Variants in CACNA1C observed in about 807,000 individuals in gnomAD.
CACNA1C encodes the protein voltage-dependent L-type calcium channel subunit alpha-1C.
Under a neutral mutation model 229.0 loss-of-function variants are expected in CACNA1C, and 30 were observed. The observed-to-expected ratio is 0.13, with a 90% CI of 0.10 to 0.18. CACNA1C has a LOEUF of 0.18. Ranked by LOEUF, CACNA1C falls within the 10% of genes least tolerant of loss-of-function variation. CACNA1C has a pLI of 1.00. For synonymous variants in CACNA1C, 1,114 were observed against 1,132.5 expected (o/e 0.98, Z 0.33); for missense variants, 1,658 against 2,845.0 (o/e 0.58, Z 9.49).
At chr12:2,477,864 G>A (rs920764682) in intron 5 of CACNA1C, among the ~76,000 whole-genome samples, 2 of 151,924 alleles carry the variant, frequency 1.3e-5, no homozygotes, top group African/African-American at 4.8e-5. Context: ...AAAAGCACCA[G>A]TCATCTCAAA....
chr12:2,512,892 A>T lies in CACNA1C; in HGVS notation c.1298A>T (p.Asp433Val). 6.2e-7 allele frequency: 1 copy of T among 1,613,200 alleles called. No individual in the cohort carries two copies. The highest frequency in any genetic ancestry group is 8.5e-7 in the Non-Finnish European group (1 of 1,179,596). Reference protein sequence around the residue: ...KLREKQQLEEDLKGYLDWITQ... With the variant: ...KLREKQQLEEVLKGYLDWITQ... ...CGGGAGAAGCAGCAGCTAGAAGAGGATCTCAAAGGCTACCTGGATTGGATC... is the reference window on the plus strand; with the variant it reads ...CGGGAGAAGCAGCAGCTAGAAGAGGTTCTCAAAGGCTACCTGGATTGGATC... Residue 433 changes from aspartate (D) to valine (V), a missense_variant, in exon 9 of 47, where the codon GAT (aspartate) becomes GTT (valine). Asp to Val is a radical substitution (Grantham distance 152, BLOSUM62 -3). Around this residue, in one of 20 missense-constraint regions of CACNA1C, gnomAD observed 149 missense variants for 194.2 expected, o/e 0.77. Coordinates refer to ENST00000399655, the MANE Select transcript of CACNA1C (RefSeq NM_000719.7). This position sits in a 1 kb window ranked among gnomAD's most constrained non-coding sequence, Gnocchi z 4.3.
At chr12:2,408,347 T>G (rs2098761975) in intron 3 of CACNA1C, among the ~76,000 whole-genome samples, 2 of 152,248 alleles carry the variant, frequency 1.3e-5, no homozygotes, top group Non-Finnish European at 2.9e-5. Flanking sequence ...GTAAATGTGC[T>G]TAATGCCACT....
intron 30 of CACNA1C, among the ~76,000 whole-genome samples, chr12:2,644,964 T>G (rs751411736): frequency 2.0e-5 from 3 of 152,238 alleles, no homozygotes; most frequent in Non-Finnish European, 4.4e-5. Flanking sequence ...CAGAGCTCGC[T>G]GTCTCTGAAA....
intron 38 of CACNA1C, 188 bp from the exon 39 acceptor site, chr12:2,674,335 GGAAGGAAGGAAGGTGGAC>G: frequency 1.4e-6 from 1 of 696,370 alleles, no homozygotes; most frequent in South Asian, 2.3e-5. Flanking sequence ...GAGGGAAGGG[GGAAGGAAGGAAGGTGGAC>G]AGAGGAAGGG....
chr12:2,230,359 C>T (rs1181654677), intron 3 of CACNA1C, among the ~76,000 whole-genome samples: 1 of 152,188 alleles, frequency 6.6e-6, no homozygotes, highest in Non-Finnish European at 1.5e-5. Flanking sequence ...CGCAAGGTGC[C>T]TTGTGAGGAG....
chr12:2,618,409 A>G (rs867709143), intron 29 of CACNA1C, among the ~76,000 whole-genome samples: 1 of 152,374 alleles, frequency 6.6e-6, no homozygotes, highest in Admixed American at 6.5e-5. Context: ...AAGGTTGCCA[A>G]TGGTGACAGA....
At chr12:2,552,910 CA>C (rs1320152036) in intron 10 of CACNA1C, among the ~76,000 whole-genome samples, 7 of 152,042 alleles carry the variant, frequency 4.6e-5, no homozygotes, top group African/African-American at 1.7e-4. Context: ...AAGGCAAGGG[CA>C]AACTTCAAGA....
chr12:2,455,121 G>A (rs1422245812), intron 4 of CACNA1C, among the ~76,000 whole-genome samples: 1 of 152,138 alleles, frequency 6.6e-6, no homozygotes, highest in Admixed American at 6.5e-5. Flanking sequence ...TCGCTTCTAT[G>A]TCATCACATT....
rs746525111 is a variant in CACNA1C, at chr12:2,493,374, C to T, written c.1101C>T (p.Asp367=). The T allele has an allele frequency of 5.1e-5, 83 of 1,613,662 alleles. No individual in the cohort carries two copies. The highest frequency in any genetic ancestry group is 6.4e-5 in the Non-Finnish European group (75 of 1,179,694). The change falls in exon 7 of 47, where the codon GAC becomes GAT. Residue 367 remains aspartate (D), a synonymous_variant. Coordinates refer to ENST00000399655, the MANE Select transcript of CACNA1C (RefSeq NM_000719.7). The surrounding 1 kb of genome is among the most constrained non-coding windows in gnomAD (Gnocchi z 4.6). ...FQCITMEGWT[D]VLYWVNDAVG... ...GCATCACCATGGAGGGCTGGACGGA[C>T]GTGCTGTACTGGGTACGTAGCATGA...
intron 5 of CACNA1C, among the ~76,000 whole-genome samples, chr12:2,484,881 TA>T (rs780817162): frequency 6.6e-6 from 1 of 150,966 alleles, no homozygotes; most frequent in Non-Finnish European, 1.5e-5. Flanking sequence ...AATTCACAGG[TA>T]AAATCATTCC....
At chr12:1,997,357 G>A (rs954842812) in intron 1 of CACNA1C, among the ~76,000 whole-genome samples, 4 of 152,064 alleles carry the variant, frequency 2.6e-5, no homozygotes, top group Admixed American at 6.5e-5. Flanking sequence ...TGAAACCTCC[G>A]TTGCTACTAA....
chr12:2,081,968 C>G (rs2154054399), intron 1 of CACNA1C, among the ~76,000 whole-genome samples: 1 of 152,110 alleles, frequency 6.6e-6, no homozygotes, highest in Middle Eastern at 3.4e-3. Context: ...TGATGTTATT[C>G]CATTTAATCT....
chr12:2,185,766 C>T (rs1184897883), intron 3 of CACNA1C, among the ~76,000 whole-genome samples: 1 of 152,166 alleles, frequency 6.6e-6, no homozygotes, highest in Non-Finnish European at 1.5e-5. Context: ...TCAGGGCAGT[C>T]CCAGCACTGC....
intron 34 of CACNA1C, among the ~76,000 whole-genome samples, chr12:2,655,603 T>A (rs1404662604): frequency 2.0e-5 from 3 of 152,234 alleles, no homozygotes; most frequent in Non-Finnish European, 2.9e-5. Context: ...TCTTGTCCAA[T>A]AAGTACAGAT....
chr12:2,189,537 G>T (rs1233761933), intron 3 of CACNA1C, among the ~76,000 whole-genome samples: 2 of 152,224 alleles, frequency 1.3e-5, no homozygotes, highest in African/African-American at 4.8e-5. Flanking sequence ...ACTGAAGCTG[G>T]GCGCTGGCTG....
intron 3 of CACNA1C, among the ~76,000 whole-genome samples, chr12:2,242,433 C>G (rs576789947): frequency 6.6e-6 from 1 of 152,166 alleles, no homozygotes; most frequent in East Asian, 1.9e-4. Flanking sequence ...CTAAAGGTGG[C>G]GGCCACAGCA....
chr12:2,177,534 CCCTTCCCTTTCCTT>C (rs1021237208), intron 3 of CACNA1C, among the ~76,000 whole-genome samples: 3 of 147,368 alleles, frequency 2.0e-5, no homozygotes, highest in Admixed American at 6.8e-5. Context: ...CCTCTCCTCT[CCCTTCCCTTTCCTT>C]CCTTCCCTTT....
At chr12:2,191,144 A>G (rs1408449494) in intron 3 of CACNA1C, among the ~76,000 whole-genome samples, 5 of 152,058 alleles carry the variant, frequency 3.3e-5, no homozygotes, top group African/African-American at 1.2e-4. Flanking sequence ...GCTCTGTCAG[A>G]GGGGATTTTG....
At chr12:2,604,363 C>T (rs973072442) in intron 22 of CACNA1C, among the ~76,000 whole-genome samples, 1 of 152,146 alleles carries the variant, frequency 6.6e-6, no homozygotes, top group Non-Finnish European at 1.5e-5. Flanking sequence ...TGAGCCCCAA[C>T]AGCGAAGCCC....
Sources: gnomAD v4.1 joint callset for allele counts (sites outside exome capture counted in the v4.1 genomes callset) on GRCh38, gnomAD v4.1.1 for gene constraint, gnomAD v4.1.1 regional missense constraint, Gnocchi (gnomAD v3.1) non-coding constraint, MANE v1.5 for transcripts, NCBI Gene and HGNC (gene_info 2026-07-23, HGNC 2026-07-21) for gene names.